CUBN: variants seen among roughly 807,000 people sequenced by gnomAD.
The protein encoded by CUBN is cubilin.
A neutral mutation model predicts 405.3 loss-of-function variants in CUBN; 282 were observed. The ratio of observed to expected loss-of-function variants is 0.70; its 90% confidence interval spans 0.63 to 0.77. CUBN has a LOEUF of 0.77. Among genes scored for constraint, CUBN ranks in the 30% least tolerant of loss-of-function variants. The pLI, the probability that CUBN is intolerant of heterozygous loss-of-function variation, is 0.00. For missense variants in CUBN, 4,514 were observed against 4,475.2 expected (o/e 1.01, Z -0.25); for synonymous variants, 1,684 against 1,617.0 (o/e 1.04, Z -0.99).
chr10:17,071,990 T>C lies in CUBN; in HGVS notation c.2302-19A>G. On this transcript the variant is annotated intron_variant, in intron 17 of 66. Coordinates refer to ENST00000377833, the MANE Select transcript of CUBN (RefSeq NM_001081.4). ...CTCGAACCTAAAGAGAAAAATAAAA[T>C]AGAGATGTAATTCAAATAAAGAAAC... 1 of 1,599,998 alleles carries C rather than the reference T, an allele frequency of 6.3e-7. No individual in the cohort carries two copies. Among genetic ancestry groups the C allele is most frequent in the Non-Finnish European group, 8.5e-7 (1 of 1,171,056 alleles).
intron 31 of CUBN, among the ~76,000 whole-genome samples, chr10:16,962,235 G>A (rs1405881373): frequency 6.6e-6 from 1 of 152,150 alleles, no homozygotes; most frequent in Admixed American, 6.5e-5. Flanking sequence ...AGAGTGGCTG[G>A]CATGTAGTAA....
intron 40 of CUBN, among the ~76,000 whole-genome samples, 170 bp from the exon 41 acceptor site, chr10:16,928,473 T>C (rs1464036046): frequency 6.6e-6 from 1 of 151,324 alleles, no homozygotes; most frequent in Non-Finnish European, 1.5e-5. Context: ...TCATTCTGGC[T>C]CCAGCTTGCA....
chr10:17,121,918 T>C (rs1837051602), intron 6 of CUBN: 2 of 152,178 alleles, frequency 1.3e-5, no homozygotes, highest in Non-Finnish European at 2.9e-5. Flanking sequence ...TTATTAATCT[T>C]TTAAAAATCA....
rs1250788070 is a variant in CUBN at position 17,019,818 on chromosome 10, C to T, written c.4168+15G>A. The stretch of plus-strand genomic sequence containing the variant: ...TAGCAACTGCAAATACAACTGAGAT[C>T]AGCACCTGGCTTACCGTAAACAAAC... On this transcript the variant is annotated intron_variant, in intron 28 of 66. Transcript: ENST00000377833. The T allele has an allele frequency of 1.9e-6, 3 of 1,614,070 alleles. No homozygotes were observed. The Admixed American group carries it at 5.0e-5, about 27-fold the overall frequency.
intron 28 of CUBN, among the ~76,000 whole-genome samples, chr10:17,019,507 C>A (rs948931629): frequency 2.0e-5 from 3 of 152,192 alleles, no homozygotes; most frequent in Non-Finnish European, 4.4e-5. Context: ...CCCACCCCAA[C>A]TTGCAGTTAG....
chr10:17,116,160 CTTTCATA>C (rs1836893544), intron 6 of CUBN, among the ~76,000 whole-genome samples: 1 of 152,188 alleles, frequency 6.6e-6, no homozygotes, highest in African/African-American at 2.4e-5. Context: ...AGTGGCATTT[CTTTCATA>C]GCCACACTTG....
chr10:16,838,447 C>T (rs1839240474), intron 62 of CUBN, among the ~76,000 whole-genome samples: 1 of 152,218 alleles, frequency 6.6e-6, no homozygotes, highest in Non-Finnish European at 1.5e-5. Flanking sequence ...TATCCATCCT[C>T]AGTTCGTGGC....
At chr10:16,836,136 T>G in intron 63 of CUBN, 99 bp downstream of exon 63, 1 of 1,189,376 alleles carries the variant, frequency 8.4e-7, no homozygotes, top group Non-Finnish European at 1.2e-6. Context: ...AATCCTAATT[T>G]ACTCACAGGA....
chr10:16,873,350 T>C (rs528869992), intron 58 of CUBN, among the ~76,000 whole-genome samples: 3 of 152,310 alleles, frequency 2.0e-5, no homozygotes, highest in African/African-American at 7.2e-5. Context: ...GACCAGTGAC[T>C]CAAGCTATCT....
chr10:17,076,561 T>A (rs1337771294), intron 17 of CUBN, among the ~76,000 whole-genome samples: 4 of 151,984 alleles, frequency 2.6e-5, no homozygotes, highest in Admixed American at 6.6e-5. Context: ...AGTTATTCAC[T>A]TCCCTTCCTG....
intron 14 of CUBN, among the ~76,000 whole-genome samples, chr10:17,090,078 G>C (rs1383516647): frequency 6.6e-6 from 1 of 152,056 alleles, no homozygotes; most frequent in African/African-American, 2.4e-5. Context: ...ATCGCACCCT[G>C]TCTCAAAAAT....
intron 4 of CUBN, 104 bp from the exon 5 acceptor site, chr10:17,123,793 G>T: frequency 1.3e-6 from 1 of 749,562 alleles, no homozygotes; most frequent in Non-Finnish European, 2.4e-6. Context: ...ATCAGTGGGG[G>T]TCTCCTTCTA....
intron 58 of CUBN, among the ~76,000 whole-genome samples, chr10:16,870,380 G>C (rs958294404): frequency 3.3e-5 from 5 of 152,114 alleles, no homozygotes; most frequent in Admixed American, 2.0e-4. Context: ...TTTATGTTAA[G>C]GTCAGGTGAA....
chr10:17,081,125 T>C (rs1360708891), intron 17 of CUBN, among the ~76,000 whole-genome samples: 1 of 152,230 alleles, frequency 6.6e-6, no homozygotes, highest in Non-Finnish European at 1.5e-5. Context: ...TATTCTTTAA[T>C]GAGTGCTTAT....
chr10:16,847,953 GAA>G (rs1284474616), intron 60 of CUBN, among the ~76,000 whole-genome samples: 2 of 152,054 alleles, frequency 1.3e-5, no homozygotes, highest in African/African-American at 4.8e-5. Flanking sequence ...CTTTAATAAA[GAA>G]AGCTCCAAGC....
intron 40 of CUBN, among the ~76,000 whole-genome samples, chr10:16,929,922 C>T (rs1395152524): frequency 6.6e-6 from 1 of 152,162 alleles, no homozygotes; most frequent in Non-Finnish European, 1.5e-5. Context: ...TCTGGTGAAA[C>T]AATGCTTATC....
At chr10:16,984,466 G>A (rs1833364617) in intron 29 of CUBN, among the ~76,000 whole-genome samples, 187 bp from the exon 30 acceptor site, 1 of 152,044 alleles carries the variant, frequency 6.6e-6, no homozygotes, top group Admixed American at 6.5e-5. Flanking sequence ...CTGTGCCTTA[G>A]GAACACACAA....
chr10:16,948,839 AAT>A (rs1842851185), intron 34 of CUBN, among the ~76,000 whole-genome samples: 2 of 152,314 alleles, frequency 1.3e-5, no homozygotes, highest in South Asian at 4.1e-4. Context: ...GATCAAGAAC[AAT>A]AGGACCAGAG....
At chr10:16,964,957 C>A (rs554792964) in intron 31 of CUBN, among the ~76,000 whole-genome samples, 2 of 152,366 alleles carry the variant, frequency 1.3e-5, no homozygotes, top group African/African-American at 4.8e-5. Context: ...GTGTCTCAAA[C>A]TGAAGCCCTC....
Sources: gnomAD v4.1 joint callset for allele counts (sites outside exome capture counted in the v4.1 genomes callset) on GRCh38, gnomAD v4.1.1 for gene constraint, MANE v1.5 for transcripts, NCBI Gene and HGNC (gene_info 2026-07-23, HGNC 2026-07-21) for gene names.